Variants in FSIP2 observed in about 807,000 individuals in gnomAD.
The protein encoded by FSIP2 is fibrous sheath interacting protein 2, also known as fibrous sheath-interacting protein 2.
Under a neutral mutation model 510.5 loss-of-function variants are expected in FSIP2, and 367 were observed. That is an observed-to-expected ratio of 0.72 (90% CI 0.66 to 0.78). The LOEUF is 0.78. Ranked by LOEUF, FSIP2 falls within the 30% of genes least tolerant of loss-of-function variation. The pLI is 0.00. For synonymous variants in FSIP2, 2,601 were observed against 2,732.2 expected, an observed-to-expected ratio of 0.95 and a Z score of 1.50; for missense variants, 7,594 against 7,901.7, an observed-to-expected ratio of 0.96 and a Z score of 1.48.
chr2:185,739,097 C>A lies in FSIP2; in HGVS notation c.99+104C>A, dbSNP rs1173201186. On this transcript the variant is annotated intron_variant, in intron 1 of 22. Coordinates refer to ENST00000424728, the MANE Select transcript of FSIP2 (RefSeq NM_173651.4). ...ACGGGTCGCGAGGCTCCCAACTGTC[C>A]CCCGTCAGGAGGCTGCCCTCTTGCG... The A allele has an allele frequency of 2.2e-6, 3 of 1,374,188 alleles. No homozygotes were observed. In the African/African-American group the frequency reaches 4.4e-5, roughly 20 times the overall value. 85.1% of individuals were successfully genotyped at this position (1,374,188 alleles called of 1,614,324 possible).
chr2:185,797,066 A>G lies in FSIP2; in HGVS notation c.9930A>G (p.Pro3310=), dbSNP rs1317561501. 27 of 1,535,178 alleles carry G rather than the reference A, an allele frequency of 1.8e-5. No homozygotes were observed. Among genetic ancestry groups the G allele is most frequent in the Non-Finnish European group, 2.3e-5 (26 of 1,146,352 alleles). Residue 3310 remains proline (P), a synonymous_variant, in exon 16 of 23, where the codon CCA becomes CCG. Coordinates refer to ENST00000424728, the MANE Select transcript of FSIP2 (RefSeq NM_173651.4). ...LRVFHYENLK[P]VVEPNQIQTT... ...TGTTTCATTATGAGAACCTAAAACC[A>G]GTTGTTGAACCAAACCAAATTCAGA...
At chr2:185,827,358 T>C (rs1383680600) in intron 20 of FSIP2, among the ~76,000 whole-genome samples, 1 of 151,854 alleles carries the variant, frequency 6.6e-6, no homozygotes, top group African/African-American at 2.4e-5. Context: ...GCATAGTTTT[T>C]TCTTATATGA....
intron 21 of FSIP2, among the ~76,000 whole-genome samples, chr2:185,831,190 C>G (rs1694101937): frequency 6.6e-6 from 1 of 151,822 alleles, no homozygotes; most frequent in Non-Finnish European, 1.5e-5. Flanking sequence ...AATTCTGGTA[C>G]CCTTCAAATC....
intron 20 of FSIP2, 70 bp downstream of exon 20, chr2:185,824,550 A>C: frequency 1.1e-6 from 1 of 897,002 alleles, no homozygotes; most frequent in Non-Finnish European, 1.8e-6. Flanking sequence ...TTAGTTATCA[A>C]ACTTGAAGTT....
intron 9 of FSIP2, among the ~76,000 whole-genome samples, chr2:185,757,977 A>G (rs768339228): frequency 6.6e-6 from 1 of 151,010 alleles, no homozygotes; most frequent in African/African-American, 2.4e-5. Flanking sequence ...ATCCCAGATT[A>G]CCTCTGGGAT....
chr2:185,804,427 C>G lies in FSIP2; in HGVS notation c.15121C>G (p.Gln5041Glu), dbSNP rs1380774521. The change falls in exon 17 of 23, where the codon CAA becomes GAA. Residue 5041 changes from glutamine (Q) to glutamate (E), a missense_variant. Transcript: ENST00000424728. The stretch of plus-strand genomic sequence containing the variant: ...ATTAGATCAATATAAATCTCTGATT[C>G]AAATACATAGGGTTATACAAAGTGA... ...KVLDQYKSLI[Q>E]IHRVIQSDTI... 1.3e-6 allele frequency: 2 copies of G among 1,509,626 alleles called. No individual in the cohort carries two copies. The highest frequency in any genetic ancestry group is 1.8e-6 in the Non-Finnish European group (2 of 1,131,236). The allele number at this position is 1,509,626 out of a possible 1,614,324, so 93.5% of individuals were successfully genotyped here. A position where few individuals can be genotyped will look rare whatever the true frequency, so the allele number is the denominator to read the frequency against.
At chr2:185,751,171 GAGAA>G (rs1692139165) in intron 7 of FSIP2, among the ~76,000 whole-genome samples, 1 of 151,352 alleles carries the variant, frequency 6.6e-6, no homozygotes, top group Non-Finnish European at 1.5e-5. Flanking sequence ...CAATTATTGA[GAGAA>G]AGAGTTATTA....
In FSIP2 at chr2:185,746,630, A is replaced by G. The variant is rs766112680; in HGVS notation, c.618-39A>G. The G allele has an allele frequency of 8.3e-6, 12 of 1,442,086 alleles. No homozygotes were observed. The South Asian group carries it at 1.7e-4, about 21-fold the overall frequency. The allele number at this position is 1,442,086 out of a possible 1,614,324, so 89.3% of individuals were successfully genotyped here. A position where few individuals can be genotyped will look rare whatever the true frequency, so the allele number is the denominator to read the frequency against. The stretch of plus-strand genomic sequence containing the variant: ...CAGATGATGCCATCATAAAAGAAAC[A>G]GCCAATTCACCTTTAGCAATATTTG... On this transcript the variant is annotated intron_variant, in intron 5 of 22. Coordinates refer to ENST00000424728, the MANE Select transcript of FSIP2 (RefSeq NM_173651.4).
upstream of FSIP2, among the ~76,000 whole-genome samples, chr2:185,737,732 G>T (rs1691813340): frequency 6.6e-6 from 1 of 152,000 alleles, no homozygotes; most frequent in Non-Finnish European, 1.5e-5. Flanking sequence ...TGAGTAGATT[G>T]AATTTAAGAC....
intron 21 of FSIP2, among the ~76,000 whole-genome samples, chr2:185,830,939 C>A (rs2105692251): frequency 6.6e-6 from 1 of 152,010 alleles, no homozygotes; most frequent in East Asian, 2.0e-4. Flanking sequence ...TATTGTACAG[C>A]TTAAGTTGAG....
intron 21 of FSIP2, 48 bp downstream of exon 21, chr2:185,828,247 C>A: frequency 1.0e-6 from 1 of 994,776 alleles, no homozygotes; most frequent in South Asian, 1.4e-5. Context: ...GGAGCTAGTT[C>A]AGAACAACTC....
rs544961091 is a variant in FSIP2, at chr2:185,796,800, G to C, written c.9664G>C (p.Glu3222Gln). Residue 3222 changes from glutamate to glutamine, a missense_variant, in exon 16 of 23, where the codon GAG becomes CAG. By Grantham distance (29) the Glu-to-Gln change is conservative. Transcript: ENST00000424728. Reference sequence around the variant, plus strand: ...TGTAGAAGACACAGTTAAAAACTCAGAGCCAACGAAAAGGCCTGATTCAGA... The same window carrying C: ...TGTAGAAGACACAGTTAAAAACTCACAGCCAACGAAAAGGCCTGATTCAGA... The part of the protein sequence containing the change: ...SSVEDTVKNS[E>Q]PTKRPDSETM... The C allele has an allele frequency of 2.9e-5, 45 of 1,535,138 alleles. No homozygotes were observed. The Admixed American group carries it at 8.6e-4, about 29-fold the overall frequency.
chr2:185,776,121 C>G (rs1473075189), intron 13 of FSIP2, among the ~76,000 whole-genome samples: 2 of 152,020 alleles, frequency 1.3e-5, no homozygotes, highest in Non-Finnish European at 1.5e-5. Flanking sequence ...AGTACAAAAA[C>G]TTAGCCAGGC....
In FSIP2 at chr2:185,809,144, A is replaced by G; in HGVS notation, c.19827+11A>G. The G allele has an allele frequency of 1.3e-6, 2 of 1,528,650 alleles. No individual in the cohort carries two copies. Among genetic ancestry groups the G allele is most frequent in the Non-Finnish European group, 1.7e-6 (2 of 1,144,642 alleles). 94.7% of individuals were successfully genotyped at this position (1,528,650 alleles called of 1,614,324 possible). A position where few individuals can be genotyped will look rare whatever the true frequency, so the allele number is the denominator to read the frequency against. On this transcript the variant is annotated intron_variant, in intron 17 of 22. Transcript: ENST00000424728. ...GTAAAACCCCTAGAGGTAAGTGCAA[A>G]AGCAATGGCATGAAAATGAGTGAAT...
chr2:185,746,957 A>G, intron 6 of FSIP2, 147 bp downstream of exon 6: 2 of 634,186 alleles, frequency 3.2e-6, no homozygotes, highest in Non-Finnish European at 5.2e-6. Context: ...TAGCTATAAT[A>G]TACAAGTTGT....
intron 21 of FSIP2, among the ~76,000 whole-genome samples, chr2:185,829,540 A>AT (rs1334689653): frequency 6.6e-6 from 1 of 151,970 alleles, no homozygotes; most frequent in African/African-American, 2.4e-5. Context: ...CGGTTAGGAG[A>AT]TTCCTGTGAG....
chr2:185,772,542 T>TAA (rs1263634480), intron 13 of FSIP2, among the ~76,000 whole-genome samples: 1 of 152,118 alleles, frequency 6.6e-6, no homozygotes, highest in African/African-American at 2.4e-5. Context: ...CAAACTCTTT[T>TAA]AAACAGCCAG....
intron 11 of FSIP2, among the ~76,000 whole-genome samples, chr2:185,762,678 T>C (rs1692380580): frequency 6.6e-6 from 1 of 151,448 alleles, no homozygotes; most frequent in Non-Finnish European, 1.5e-5. Context: ...TAATTTATTT[T>C]GATCTTCACT....
chr2:185,741,857 C>T (rs1201265793), intron 2 of FSIP2, among the ~76,000 whole-genome samples: 1 of 152,176 alleles, frequency 6.6e-6, no homozygotes, highest in Non-Finnish European at 1.5e-5. Flanking sequence ...CATTCTCCTA[C>T]CTACCTTTCG....
Sources: gnomAD v4.1 joint callset for allele counts (sites outside exome capture counted in the v4.1 genomes callset) on GRCh38, gnomAD v4.1.1 for gene constraint, MANE v1.5 for transcripts, NCBI Gene and HGNC (gene_info 2026-07-23, HGNC 2026-07-21) for gene names.